Variants in DTNBP1 observed in about 807,000 individuals in gnomAD.
DTNBP1 encodes the protein dysbindin.
In DTNBP1, 35 loss-of-function variants were observed where a neutral mutation model predicts 42.8. The ratio of observed to expected loss-of-function variants is 0.82; its 90% confidence interval spans 0.63 to 1.09. DTNBP1 has a LOEUF of 1.09. Ranked by LOEUF, DTNBP1 falls within the 50% of genes least tolerant of loss-of-function variation. The pLI is 0.00. For synonymous variants in DTNBP1, 171 were observed against 162.2 expected (o/e 1.05, Z -0.41); for missense variants, 457 against 424.2 (o/e 1.08, Z -0.68).
chr6:15,545,886 A>G (rs1343527147), intron 7 of DTNBP1, among the ~76,000 whole-genome samples: 1 of 152,068 alleles, frequency 6.6e-6, no homozygotes, highest in Non-Finnish European at 1.5e-5. Flanking sequence ...ACAATACCTT[A>G]GCTTTTATGG....
chr6:15,644,850 A>G (rs912557225), intron 3 of DTNBP1, among the ~76,000 whole-genome samples: 2 of 152,060 alleles, frequency 1.3e-5, no homozygotes, highest in African/African-American at 4.8e-5. Context: ...CAAATTAACA[A>G]CTTAACACCA....
chr6:15,633,308 C>A (rs908285323), intron 4 of DTNBP1, among the ~76,000 whole-genome samples: 4 of 152,188 alleles, frequency 2.6e-5, no homozygotes, highest in Admixed American at 2.0e-4. Flanking sequence ...GATAGAAGTT[C>A]CTTCAATTGA....
chr6:15,613,215 A>C (rs1341139289), intron 6 of DTNBP1, among the ~76,000 whole-genome samples: 3 of 151,646 alleles, frequency 2.0e-5, no homozygotes, highest in Admixed American at 6.6e-5. Context: ...AGACAGAAGA[A>C]ACGCTTTAAC....
chr6:15,562,519 G>A (rs2743553), intron 7 of DTNBP1, among the ~76,000 whole-genome samples: 19,391 of 152,210 alleles, frequency 0.13, 1,576 homozygotes, highest in African/African-American at 0.23. Context: ...CCAAATGGAT[G>A]TATGGATAAG....
chr6:15,598,464 A>T (rs1023129154), intron 6 of DTNBP1, among the ~76,000 whole-genome samples: 4 of 152,018 alleles, frequency 2.6e-5, no homozygotes, highest in Admixed American at 1.3e-4. Context: ...TTTAGGGGAA[A>T]TTTTTTTTAA....
rs1430609035 is a variant in DTNBP1, at chr6:15,657,007, TTCA to T, written c.57-4870_57-4868del. Among the ~76,000 whole-genome samples, 7 of 152,278 alleles carry T rather than the reference TTCA, an allele frequency of 4.6e-5. No individual in the cohort carries two copies. The South Asian group carries it at 1.2e-3, about 27-fold the overall frequency. Reference sequence around the variant, plus strand: ...AATCTATTACATTTTCACATCAGTGTTCATCATTTTTTTTCTCTCTTAAGCGAG... The same window carrying T: ...AATCTATTACATTTTCACATCAGTGTTCATTTTTTTTCTCTCTTAAGCGAG... On this transcript the variant is annotated intron_variant, in intron 1 of 9. Transcript: ENST00000344537.
intron 4 of DTNBP1, among the ~76,000 whole-genome samples, chr6:15,630,583 C>A (rs962868450): frequency 2.0e-5 from 3 of 151,960 alleles, no homozygotes; most frequent in Admixed American, 2.0e-4. Context: ...TTTTTTAATA[C>A]ACTGCTAAAG....
chr6:15,564,580 G>A (rs1040525350), intron 7 of DTNBP1, among the ~76,000 whole-genome samples: 2 of 151,772 alleles, frequency 1.3e-5, no homozygotes, highest in Non-Finnish European at 2.9e-5. Flanking sequence ...GCTAATTTTT[G>A]TATTTTTAGT....
Position 15,595,035 on chromosome 6 carries a change from C to T in DTNBP1, c.489-1954G>A, listed in dbSNP as rs1446181661. The stretch of plus-strand genomic sequence containing the variant: ...GGACTCATCCTGCTCACCCTGCAAC[C>T]GTCTGTCTGCTGCTGTGAAGAGGAC... On this transcript the variant is annotated intron_variant, in intron 6 of 9. Transcript: ENST00000344537. 12 of 442,374 alleles carry T rather than the reference C, an allele frequency of 2.7e-5. 1 individual carries two copies. Among genetic ancestry groups the T allele is most frequent in the East Asian group, 1.4e-4 (2 of 14,266 alleles). 27.4% of individuals were successfully genotyped at this position (442,374 alleles called of 1,614,324 possible).
chr6:15,530,143 T>C (rs1772714800), intron 8 of DTNBP1, among the ~76,000 whole-genome samples: 1 of 152,384 alleles, frequency 6.6e-6, no homozygotes, highest in Non-Finnish European at 1.5e-5. Context: ...CAAAACACCA[T>C]GTTCGCTGTA....
At chr6:15,568,568 A>G (rs1041664545) in intron 7 of DTNBP1, among the ~76,000 whole-genome samples, 1 of 152,004 alleles carries the variant, frequency 6.6e-6, no homozygotes, top group African/African-American at 2.4e-5. Context: ...TTTTTTTTCA[A>G]TAAAAGTTAT....
chr6:15,585,526 G>A (rs1480902782), intron 7 of DTNBP1, among the ~76,000 whole-genome samples: 1 of 151,448 alleles, frequency 6.6e-6, no homozygotes, highest in Non-Finnish European at 1.5e-5. Context: ...TTACTTGTTG[G>A]TAATAGAAAG....
intron 7 of DTNBP1, among the ~76,000 whole-genome samples, chr6:15,576,485 T>C (rs1214191888): frequency 6.6e-6 from 1 of 151,820 alleles, no homozygotes; most frequent in African/African-American, 2.4e-5. Context: ...TAATAATAAA[T>C]GTATTTTAGG....
intron 9 of DTNBP1, chr6:15,523,784 G>A: frequency 7.8e-7 from 1 of 1,287,224 alleles, no homozygotes; most frequent in African/African-American, 1.5e-5. Flanking sequence ...GAGGGCAAAT[G>A]CACCCAAGCT....
chr6:15,575,206 T>C (rs189900151), intron 7 of DTNBP1, among the ~76,000 whole-genome samples: 11 of 152,292 alleles, frequency 7.2e-5, no homozygotes, highest in African/African-American at 2.6e-4. Flanking sequence ...TACAGTAATA[T>C]AATATAAACC....
chr6:15,533,091 G>T, intron 8 of DTNBP1, 149 bp downstream of exon 8: 1 of 1,191,534 alleles, frequency 8.4e-7, no homozygotes, highest in Non-Finnish European at 1.2e-6. Context: ...GAGAGAGGTG[G>T]CCCGACGCAC....
At chr6:15,660,630 G>C in intron 1 of DTNBP1, 1 of 1,087,350 alleles carries the variant, frequency 9.2e-7, no homozygotes, top group Non-Finnish European at 1.2e-6. Flanking sequence ...AGTTTCCAAG[G>C]GGTTCTAACT....
chr6:15,660,595 T>C lies in DTNBP1; in HGVS notation c.56+2219A>G, dbSNP rs530283105. ...GTCTAGCTCCAAAATGGCCCCAGAC[T>C]ACGGCATCTTTAAGAAGTCAAGTCA... is the stretch of plus-strand genomic sequence containing the variant. On this transcript the variant is annotated intron_variant, in intron 1 of 9. Coordinates refer to ENST00000344537, the MANE Select transcript of DTNBP1 (RefSeq NM_032122.5). The C allele has an allele frequency of 5.8e-4, 735 of 1,268,220 alleles. 1 individual carries two copies. Among genetic ancestry groups the C allele is most frequent in the Non-Finnish European group, 6.9e-4 (672 of 971,042 alleles). The allele number at this position is 1,268,220 out of a possible 1,614,324, so 78.6% of individuals were successfully genotyped here. A position where few individuals can be genotyped will look rare whatever the true frequency, so the allele number is the denominator to read the frequency against.
rs111400795 is a variant in DTNBP1 at position 15,613,354 on chromosome 6, C to A, written c.488+1913G>T. Among the ~76,000 whole-genome samples the A allele has an allele frequency of 2.0e-5, 2 of 100,078 alleles. 1 individual carries two copies. Among genetic ancestry groups the A allele is most frequent in the Non-Finnish European group, 3.6e-5 (2 of 55,154 alleles). The allele number at this position is 100,078 out of a possible 152,430, so 65.7% of individuals were successfully genotyped here. On this transcript the variant is annotated intron_variant, in intron 6 of 9. Coordinates refer to ENST00000344537, the MANE Select transcript of DTNBP1 (RefSeq NM_032122.5). Reference sequence around the variant, plus strand: ...AAAATGCCCCTTTTTTGACACGGACCCCATTTTTTTTTTTTTTTTTTTTTT... The same window carrying A: ...AAAATGCCCCTTTTTTGACACGGACACCATTTTTTTTTTTTTTTTTTTTTT...
Sources: allele counts gnomAD v4.1 joint callset (sites outside exome capture counted in the v4.1 genomes callset), GRCh38; gene constraint gnomAD v4.1.1; transcripts MANE v1.5; gene names NCBI Gene and HGNC (gene_info 2026-07-23, HGNC 2026-07-21).